PCYT2: variants seen among roughly 807,000 people sequenced by gnomAD.
PCYT2 encodes the protein phosphate cytidylyltransferase 2, ethanolamine.
A neutral mutation model predicts 50.0 loss-of-function variants in PCYT2; 33 were observed. The observed-to-expected ratio is 0.66, with a 90% CI of 0.50 to 0.88. The LOEUF is 0.88. Among genes scored for constraint, PCYT2 ranks in the 40% least tolerant of loss-of-function variants. PCYT2 has a pLI of 0.00. For missense variants in PCYT2, 430 were observed against 519.7 expected, an observed-to-expected ratio of 0.83 and a Z score of 1.68; for synonymous variants, 240 against 203.7, an observed-to-expected ratio of 1.18 and a Z score of -1.52.
At chr17:81,905,573 G>A in intron 10 of PCYT2, 97 bp downstream of exon 10, 2 of 1,442,472 alleles carry the variant, frequency 1.4e-6, no homozygotes, top group South Asian at 1.2e-5. Context: ...GGTACCTCCT[G>A]GGCCCCGCCT....
chr17:81,909,079 CCGGCCCCT>C, intron 2 of PCYT2, 42 bp from the exon 3 acceptor site: 1 of 1,591,848 alleles, frequency 6.3e-7, no homozygotes, highest in Non-Finnish European at 8.6e-7. Context: ...CCCAGCCCAC[CCGGCCCCT>C]CCAGTAGGAG....
Position 81,906,207 on chromosome 17 carries a change from G to GGA in PCYT2, c.760-32_760-31dup, listed in dbSNP as rs1567888913. The GGA allele has an allele frequency of 3.2e-6, 5 of 1,580,690 alleles. No individual in the cohort carries two copies. The South Asian group carries it at 4.6e-5, about 15-fold the overall frequency. On this transcript the variant is annotated intron_variant, in intron 8 of 12. Coordinates refer to ENST00000538936, the MANE Select transcript of PCYT2 (RefSeq NM_002861.5). ...GGCCAGAGTGCGGCTAGCTCAGCCC[G>GGA]GAGACTTTTTGGGGGGACAGGGTGT...
Position 81,904,570 on chromosome 17 carries a change from T to G in PCYT2, c.*263A>C. On this transcript the variant is annotated 3_prime_UTR_variant, in exon 13 of 13. Coordinates refer to ENST00000538936, the MANE Select transcript of PCYT2 (RefSeq NM_002861.5). ...CAGGTGGGGGCGCACGCAGGAGCGGTGCGTTTCAGGCTGCAGGTGCCGTCT... is the reference window on the plus strand; with the variant it reads ...CAGGTGGGGGCGCACGCAGGAGCGGGGCGTTTCAGGCTGCAGGTGCCGTCT... 1 of 468,204 alleles carries G rather than the reference T, an allele frequency of 2.1e-6. No individual in the cohort carries two copies. The highest frequency in any genetic ancestry group is 3.8e-6 in the Non-Finnish European group (1 of 261,988). 29.0% of individuals were successfully genotyped at this position (468,204 alleles called of 1,614,324 possible).
intron 6 of PCYT2, chr17:81,907,284 C>G (rs1208529968): frequency 6.6e-7 from 1 of 1,521,918 alleles, no homozygotes; most frequent in Non-Finnish European, 8.8e-7. Context: ...GGCCAGGCCA[C>G]TTGGTTAGAG....
chr17:81,910,796 A>C, intron 1 of PCYT2: 40 of 674,010 alleles, frequency 5.9e-5, no homozygotes, highest in East Asian at 1.4e-4. Flanking sequence ...ATGCCCTCTG[A>C]CTGGCCAGGG....
At chr17:81,905,637 G>A (rs2040219877) in intron 10 of PCYT2, 33 bp downstream of exon 10, 3 of 1,601,794 alleles carry the variant, frequency 1.9e-6, no homozygotes, top group Non-Finnish European at 2.6e-6. Context: ...GAGGTGAACA[G>A]AGGGAACGAG....
At chr17:81,909,952 T>C (rs1385332344) in intron 1 of PCYT2, among the ~76,000 whole-genome samples, 6 of 152,174 alleles carry the variant, frequency 3.9e-5, no homozygotes, top group Admixed American at 6.5e-5. Flanking sequence ...TCAACTGCCC[T>C]GGGCAGTCAC....
Position 81,911,385 on chromosome 17 carries a change from G to A in PCYT2, c.-30C>T. ...CCGCAGCGGCGGCGCGGACAGCCTG[G>A]CAGCTCCCGGCGACTCCGAGCGCCG... On this transcript the variant is annotated 5_prime_UTR_variant, in exon 1 of 13. Coordinates refer to ENST00000538936, the MANE Select transcript of PCYT2 (RefSeq NM_002861.5). 5 of 1,016,114 alleles carry A rather than the reference G, an allele frequency of 4.9e-6. No homozygotes were observed. The highest frequency in any genetic ancestry group is 5.9e-6 in the Non-Finnish European group (5 of 850,796). The allele number at this position is 1,016,114 out of a possible 1,614,324, so 62.9% of individuals were successfully genotyped here. A position where few individuals can be genotyped will look rare whatever the true frequency, so the allele number is the denominator to read the frequency against.
At chr17:81,907,034 C>T in intron 6 of PCYT2, 136 bp from the exon 7 acceptor site, 1 of 1,166,248 alleles carries the variant, frequency 8.6e-7, no homozygotes, top group Non-Finnish European at 1.2e-6. Context: ...GACACACTGC[C>T]AGGCCAGGTG....
chr17:81,911,203 G>A, intron 1 of PCYT2, 64 bp downstream of exon 1: 1 of 1,020,668 alleles, frequency 9.8e-7, no homozygotes. Flanking sequence ...GCAACGGCTG[G>A]CGCGGCGCCC....
Position 81,902,484 on chromosome 17 carries a change from C to T in PCYT2, c.*2349G>A. Reference sequence around the variant, plus strand: ...GGGCGGAACCCCCGGGCGGGGCCGGCGCCTCCCCGGAGCTGCAACTGCACC... The same window carrying T: ...GGGCGGAACCCCCGGGCGGGGCCGGTGCCTCCCCGGAGCTGCAACTGCACC... On this transcript the variant is annotated 3_prime_UTR_variant, in exon 13 of 13. Coordinates refer to ENST00000538936, the MANE Select transcript of PCYT2 (RefSeq NM_002861.5). The T allele has an allele frequency of 7.2e-7, 1 of 1,397,754 alleles. No individual in the cohort carries two copies. Among genetic ancestry groups the T allele is most frequent in the Non-Finnish European group, 9.2e-7 (1 of 1,084,424 alleles). The allele number at this position is 1,397,754 out of a possible 1,614,324, so 86.6% of individuals were successfully genotyped here.
chr17:81,907,928 T>A, intron 4 of PCYT2, 71 bp from the exon 5 acceptor site: 1 of 1,263,048 alleles, frequency 7.9e-7, no homozygotes, highest in Non-Finnish European at 1.1e-6. Flanking sequence ...CTACCACCAC[T>A]AGGGACACTA....
chr17:81,909,413 T>C, intron 2 of PCYT2, 101 bp downstream of exon 2: 2 of 1,469,660 alleles, frequency 1.4e-6, no homozygotes, highest in South Asian at 1.2e-5. Flanking sequence ...CCTACAGCTG[T>C]GCCCTGGCAA....
intron 9 of PCYT2, 65 bp downstream of exon 9, chr17:81,906,035 C>A: frequency 6.9e-7 from 1 of 1,448,582 alleles, no homozygotes. Flanking sequence ...CAGGGAGGCC[C>A]TTAGTAGGGG....
chr17:81,906,369 C>T, intron 8 of PCYT2, 95 bp downstream of exon 8: 2 of 1,361,468 alleles, frequency 1.5e-6, no homozygotes, highest in Non-Finnish European at 2.1e-6. Flanking sequence ...ACCTGGGGCC[C>T]CTTCCCAGAG....
Position 81,902,618 on chromosome 17 carries a change from A to G in PCYT2, c.*2215T>C. 1 of 1,584,370 alleles carries G rather than the reference A, an allele frequency of 6.3e-7. No homozygotes were observed. Among genetic ancestry groups the G allele is most frequent in the Non-Finnish European group, 8.6e-7 (1 of 1,169,430 alleles). On this transcript the variant is annotated 3_prime_UTR_variant, in exon 13 of 13. Coordinates refer to ENST00000538936, the MANE Select transcript of PCYT2 (RefSeq NM_002861.5). ...CTCAGCCTTTGCTTGCCTGCCCCCC[A>G]GGCTGTGTGCGTCCAGGACGTCGCC...
chr17:81,902,498 T>A lies in PCYT2; in HGVS notation c.*2335A>T, dbSNP rs1443962055. The A allele has an allele frequency of 3.5e-6, 5 of 1,418,842 alleles. No individual in the cohort carries two copies. The highest frequency in any genetic ancestry group is 1.5e-5 in the African/African-American group (1 of 65,934). 87.9% of individuals were successfully genotyped at this position (1,418,842 alleles called of 1,614,324 possible). On this transcript the variant is annotated 3_prime_UTR_variant, in exon 13 of 13. Transcript: ENST00000538936. ...GGCGGGGCCGGCGCCTCCCCGGAGC[T>A]GCAACTGCACCCCAGGCTGCGGAGC...
Position 81,903,064 on chromosome 17 carries a change from A to T in PCYT2, c.*1769T>A. 8.1e-6 allele frequency: 3 copies of T among 368,214 alleles called. No homozygotes were observed. The highest frequency in any genetic ancestry group is 1.5e-5 in the Non-Finnish European group (3 of 205,296). 22.8% of individuals were successfully genotyped at this position (368,214 alleles called of 1,614,324 possible). A position where few individuals can be genotyped will look rare whatever the true frequency, so the allele number is the denominator to read the frequency against. On this transcript the variant is annotated 3_prime_UTR_variant, in exon 13 of 13. Coordinates refer to ENST00000538936, the MANE Select transcript of PCYT2 (RefSeq NM_002861.5). ...AGACCCAGGGGCGAAGCTGGCCACG[A>T]CCCAGCCCCGCGGTGAAGCCGCGCC...
chr17:81,908,304 G>A (rs989791266), intron 4 of PCYT2, among the ~76,000 whole-genome samples: 4 of 152,218 alleles, frequency 2.6e-5, no homozygotes, highest in African/African-American at 4.8e-5. Flanking sequence ...TGCCAGCCAC[G>A]TCCCCCGAGC....
Sources: allele counts gnomAD v4.1 joint callset (sites outside exome capture counted in the v4.1 genomes callset), GRCh38; gene constraint gnomAD v4.1.1; transcripts MANE v1.5; gene names NCBI Gene and HGNC (gene_info 2026-07-23, HGNC 2026-07-21).